Variants in ESYT2 observed in about 807,000 individuals in gnomAD.
The protein encoded by ESYT2 is extended synaptotagmin 2.
Under a neutral mutation model 107.2 loss-of-function variants are expected in ESYT2, and 54 were observed. The ratio of observed to expected loss-of-function variants is 0.50; its 90% CI spans 0.40 to 0.63. ESYT2 has a LOEUF of 0.63. Among genes scored for constraint, ESYT2 ranks in the 30% least tolerant of loss-of-function variants. ESYT2 has a pLI of 0.00. For synonymous variants in ESYT2, 491 were observed against 434.1 expected (o/e 1.13, Z -1.63); for missense variants, 1,020 against 1,094.5 (o/e 0.93, Z 0.96).
chr7:158,795,344 G>T (rs1022481949), intron 3 of ESYT2, among the ~76,000 whole-genome samples: 5 of 152,146 alleles, frequency 3.3e-5, no homozygotes, highest in Admixed American at 3.3e-4. Flanking sequence ...TTATTCAGCT[G>T]GTATCAAACT....
At chr7:158,737,999 G>A (rs1837028429) in intron 19 of ESYT2, among the ~76,000 whole-genome samples, 2 of 152,036 alleles carry the variant, frequency 1.3e-5, no homozygotes, top group African/African-American at 2.4e-5. Context: ...AGTCATGGTG[G>A]CTCAAGTCTA....
chr7:158,782,944 T>C (rs1838968070), intron 6 of ESYT2, among the ~76,000 whole-genome samples: 1 of 152,180 alleles, frequency 6.6e-6, no homozygotes, highest in African/African-American at 2.4e-5. Flanking sequence ...GAGGGCACCG[T>C]GGAGAAGCCA....
At position 158,797,927 on chromosome 7, in the gene ESYT2, T is replaced by TAAGAG. The variant is rs753075079; in HGVS notation, c.507+10_507+14dup. On this transcript the variant is annotated intron_variant, in intron 3 of 22. Transcript: ENST00000275418. ...CTGACTGTGTGCACGTGAGGATACT[T>TAAGAG]AAGAGAACACTGACCTGCTGGCCCA... 1 of 1,612,890 alleles carries TAAGAG rather than the reference T, an allele frequency of 6.2e-7. No homozygotes were observed. The highest frequency in any genetic ancestry group is 8.5e-7 in the Non-Finnish European group (1 of 1,179,638).
At chr7:158,784,589 T>C (rs1171678147) in intron 6 of ESYT2, among the ~76,000 whole-genome samples, 1 of 152,074 alleles carries the variant, frequency 6.6e-6, no homozygotes, top group Admixed American at 6.5e-5. Flanking sequence ...GTGGAGAGAG[T>C]CACGAAGGCT....
In ESYT2 at chr7:158,750,821, G is replaced by A. The variant is rs1473214380; in HGVS notation, c.1483-1098C>T. Among the ~76,000 whole-genome samples the A allele has an allele frequency of 3.3e-5, 5 of 152,130 alleles. No homozygotes were observed. In the East Asian group the frequency reaches 9.6e-4, roughly 29 times the overall value. ...GTTGGCTAACCTCCCTTGCAGTCAG[G>A]CATGGCCAAGTAACTAAGTTCTGGC... On this transcript the variant is annotated intron_variant, in intron 14 of 22. Coordinates refer to ENST00000275418, the MANE Select transcript of ESYT2 (RefSeq NM_001367773.1).
intron 8 of ESYT2, among the ~76,000 whole-genome samples, chr7:158,767,384 T>C (rs2129472327): frequency 6.6e-6 from 1 of 152,346 alleles, no homozygotes; most frequent in East Asian, 1.9e-4. Flanking sequence ...CATGTACCCC[T>C]GCAGATTTAA....
intron 6 of ESYT2, among the ~76,000 whole-genome samples, chr7:158,783,730 A>T (rs1266838845): frequency 6.6e-6 from 1 of 152,240 alleles, no homozygotes; most frequent in Non-Finnish European, 1.5e-5. Flanking sequence ...AGTGTGGGTG[A>T]GTCAGAGAAC....
In ESYT2 at chr7:158,740,392, C is replaced by T. The variant is rs114816034; in HGVS notation, c.2168+1131G>A. 1.8e-3 allele frequency among the ~76,000 whole-genome samples: 281 copies of T among 152,312 alleles called. 2 individuals carry two copies. The highest frequency in any genetic ancestry group is 6.2e-3 in the African/African-American group (259 of 41,570). On this transcript the variant is annotated intron_variant, in intron 18 of 22. Transcript: ENST00000275418. ...GATCTTATGATTCACCAATTGAGCA[C>T]CCGAGGTTAAAACCACACAGTGTCC...
At chr7:158,813,924 A>G (rs13226921) in intron 1 of ESYT2, among the ~76,000 whole-genome samples, 10 of 151,258 alleles carry the variant, frequency 6.6e-5, no homozygotes, top group Non-Finnish European at 1.3e-4. Context: ...AAAAATGTTT[A>G]AAAAATATAC....
At chr7:158,787,846 G>A (rs536419539) in intron 6 of ESYT2, among the ~76,000 whole-genome samples, 158 bp downstream of exon 6, 3 of 152,216 alleles carry the variant, frequency 2.0e-5, no homozygotes, top group Admixed American at 2.0e-4. Flanking sequence ...TCTCAGTTAA[G>A]GCACAAAGAA....
intron 7 of ESYT2, among the ~76,000 whole-genome samples, chr7:158,768,770 G>A (rs1027916844): frequency 2.0e-5 from 3 of 152,218 alleles, no homozygotes; most frequent in African/African-American, 7.2e-5. Flanking sequence ...CCTTACGCCT[G>A]TAATCCCTAC....
At chr7:158,768,167 T>A (rs1028616780) in intron 7 of ESYT2, among the ~76,000 whole-genome samples, 1 of 152,142 alleles carries the variant, frequency 6.6e-6, no homozygotes, top group Non-Finnish European at 1.5e-5. Flanking sequence ...CCTCATTGAC[T>A]TTTTTTAACA....
In ESYT2 at chr7:158,818,356, T is replaced by C. The variant is rs546197989; in HGVS notation, c.330+10733A>G. On this transcript the variant is annotated intron_variant, in intron 1 of 22. Coordinates refer to ENST00000275418, the MANE Select transcript of ESYT2 (RefSeq NM_001367773.1). ...ACTGTAGGCTCCTTGGATATTATTT[T>C]AGGGATATACAGAGAGGAAGAGAAA... is the stretch of plus-strand genomic sequence containing the variant. Among the ~76,000 whole-genome samples, 8 of 152,352 alleles carry C rather than the reference T, an allele frequency of 5.3e-5. No individual in the cohort carries two copies. In the South Asian group the frequency reaches 1.0e-3, roughly 20 times the overall value.
At chr7:158,738,095 C>T (rs139908614) in intron 19 of ESYT2, among the ~76,000 whole-genome samples, 15 of 152,156 alleles carry the variant, frequency 9.9e-5, no homozygotes, top group Non-Finnish European at 1.6e-4. Flanking sequence ...GTGGCTTCCA[C>T]CTATAGTCCC....
chr7:158,798,180 A>G, intron 2 of ESYT2, 104 bp from the exon 3 acceptor site: 1 of 1,227,816 alleles, frequency 8.1e-7, no homozygotes, highest in Non-Finnish European at 1.1e-6. Context: ...TGGTTTTGAA[A>G]ATAAAGGGCG....
At chr7:158,802,017 G>T (rs1309910413) in intron 1 of ESYT2, among the ~76,000 whole-genome samples, 1 of 152,164 alleles carries the variant, frequency 6.6e-6, no homozygotes, top group African/African-American at 2.4e-5. Context: ...AGAATAAAGA[G>T]ATCCAGACCC....
At position 158,732,926 on chromosome 7, in the gene ESYT2, T is replaced by C. The variant is rs1469336768; in HGVS notation, c.*1281A>G. 6.6e-6 allele frequency: 1 copy of C among 152,246 alleles called. No individual in the cohort carries two copies. Among genetic ancestry groups the C allele is most frequent in the Non-Finnish European group, 1.5e-5 (1 of 68,048 alleles). The allele number at this position is 152,246 out of a possible 1,614,324, so 9.4% of individuals were successfully genotyped here. ...TACAGACACACACAGCCTACGACAC[T>C]GCAACAGAGCCTCACCTCACAGGAG... On this transcript the variant is annotated 3_prime_UTR_variant, in exon 23 of 23. Transcript: ENST00000275418.
intron 4 of ESYT2, among the ~76,000 whole-genome samples, chr7:158,793,056 C>T (rs1403708556): frequency 6.6e-6 from 1 of 150,986 alleles, no homozygotes; most frequent in African/African-American, 2.5e-5. Flanking sequence ...GCATGAGCCA[C>T]CACGCCCGGC....
chr7:158,823,642 T>C (rs753685492), intron 1 of ESYT2, among the ~76,000 whole-genome samples: 1 of 152,052 alleles, frequency 6.6e-6, no homozygotes, highest in East Asian at 1.9e-4. Context: ...TCTATATTTT[T>C]TAACAGTGCT....
Sources: allele counts gnomAD v4.1 joint callset (sites outside exome capture counted in the v4.1 genomes callset), GRCh38; gene constraint gnomAD v4.1.1; transcripts MANE v1.5; gene names NCBI Gene and HGNC (gene_info 2026-07-23, HGNC 2026-07-21).